The following TMEM150A variants were observed in gnomAD, a reference collection of about 807,000 sequenced individuals.
TMEM150A encodes transmembrane protein 150A, also known as fasting-inducible integral membrane protein TM6P1.
TMEM150A carries 18 observed loss-of-function variants against 29.8 expected under a neutral mutation model. That is an observed-to-expected ratio of 0.60 (90% confidence interval 0.42 to 0.90). TMEM150A has a LOEUF of 0.90. TMEM150A is among the 40% of genes least tolerant of loss of function. The pLI, the probability that TMEM150A is intolerant of heterozygous loss-of-function variation, is 0.00. For missense variants in TMEM150A, 251 were observed against 349.7 expected (o/e 0.72, Z 2.25); for synonymous variants, 127 against 143.6 (o/e 0.88, Z 0.83).
chr2:85,600,109 G>A, intron 5 of TMEM150A, 91 bp from the exon 6 acceptor site: 1 of 1,542,634 alleles, frequency 6.5e-7, no homozygotes, highest in Admixed American at 1.9e-5. Flanking sequence ...TGGTGCTCCT[G>A]CCCCTTCTGA....
chr2:85,600,976 G>A (rs1672905023), intron 4 of TMEM150A, 45 bp downstream of exon 4: 1 of 1,576,462 alleles, frequency 6.3e-7, no homozygotes, highest in Non-Finnish European at 8.7e-7. Context: ...GGGCTGTCTG[G>A]GAGGCCCTTA....
At position 85,601,014 on chromosome 2, in the gene TMEM150A, G is replaced by T. The variant is rs1252822678; in HGVS notation, c.200+7C>A. 17 of 1,612,392 alleles carry T rather than the reference G, an allele frequency of 1.1e-5. No individual in the cohort carries two copies. Among genetic ancestry groups the T allele is most frequent in the Non-Finnish European group, 1.4e-5 (16 of 1,179,372 alleles). On this transcript the variant is annotated splice_region_variant and intron_variant, in intron 4 of 7. Transcript: ENST00000334462. This position sits in a 1 kb window ranked among gnomAD's most constrained non-coding sequence, Gnocchi z 4.0. ...TCTCCCTGACCGGCCCAATGTCCAG[G>T]CCTTACCTGATGAGGGGGACATCGT... is the stretch of plus-strand genomic sequence containing the variant.
intron 5 of TMEM150A, 44 bp from the exon 6 acceptor site, chr2:85,600,062 C>A: frequency 6.2e-7 from 1 of 1,603,968 alleles, no homozygotes. Flanking sequence ...CAGCCCTGGC[C>A]CTGCCCAGCG....
chr2:85,599,479 T>C lies in TMEM150A; in HGVS notation c.574+46A>G. 1 of 1,579,262 alleles carries C rather than the reference T, an allele frequency of 6.3e-7. No individual in the cohort carries two copies. The highest frequency in any genetic ancestry group is 1.2e-5 in the South Asian group (1 of 85,474). ...CCCATCCTCTTGGGAGGGAGAAAGG[T>C]TGAGCTAGAGGATGAGTTCCTGGCT... On this transcript the variant is annotated intron_variant, in intron 7 of 7. Coordinates refer to ENST00000334462, the MANE Select transcript of TMEM150A (RefSeq NM_001031738.3). This position sits in a 1 kb window ranked among gnomAD's most constrained non-coding sequence, Gnocchi z 6.0.
Position 85,599,084 on chromosome 2 carries a change from T to C in TMEM150A, c.808A>G (p.Met270Val), listed in dbSNP as rs1183448789. 6.2e-7 allele frequency: 1 copy of C among 1,613,262 alleles called. No homozygotes were observed. The change falls in exon 8 of 8, where the codon ATG becomes GTG. Residue 270 changes from methionine (M) to valine (V), a missense_variant. By Grantham distance (21) the Met-to-Val change is conservative. Transcript: ENST00000334462. The surrounding 1 kb of genome is among the most constrained non-coding windows in gnomAD (Gnocchi z 6.0). ...HLNCAPESIA[M>V]I ...GCCACCCTCCCCAGACCTTAGATCA[T>C]AGCGATGCTCTCGGGGGCACAGTTG...
Position 85,601,641 on chromosome 2 carries a change from C to G in TMEM150A, c.66-159G>C, listed in dbSNP as rs188614178. The G allele has an allele frequency of 1.8e-4, 153 of 858,250 alleles. 1 individual carries two copies. In the East Asian group the frequency reaches 3.8e-3, roughly 21 times the overall value. The allele number at this position is 858,250 out of a possible 1,614,324, so 53.2% of individuals were successfully genotyped here. ...CTAAGGCTTGATGCCACACCAGCAC[C>G]TGCAGCATGCCCCCAGCTACAGGCC... On this transcript the variant is annotated intron_variant, in intron 2 of 7. Transcript: ENST00000334462. This position sits in a 1 kb window ranked among gnomAD's most constrained non-coding sequence, Gnocchi z 4.0.
At chr2:85,600,544 T>C (rs1474175475) in intron 4 of TMEM150A, 132 bp from the exon 5 acceptor site, 2 of 681,370 alleles carry the variant, frequency 2.9e-6, no homozygotes, top group Non-Finnish European at 5.3e-6. Context: ...TATGTGAAGA[T>C]CCAGGGTCCC....
chr2:85,601,771 G>T lies in TMEM150A; in HGVS notation c.65+113C>A. The stretch of plus-strand genomic sequence containing the variant: ...GGCTGTGTGCCCAGGCACCAAGTCA[G>T]GCTTTTGAGACACCCAGAGTGACCC... On this transcript the variant is annotated intron_variant, in intron 2 of 7. Coordinates refer to ENST00000334462, the MANE Select transcript of TMEM150A (RefSeq NM_001031738.3). The surrounding 1 kb of genome is among the most constrained non-coding windows in gnomAD (Gnocchi z 4.0). 1 of 1,286,884 alleles carries T rather than the reference G, an allele frequency of 7.8e-7. No homozygotes were observed. Among genetic ancestry groups the T allele is most frequent in the Non-Finnish European group, 1.1e-6 (1 of 903,556 alleles). The allele number at this position is 1,286,884 out of a possible 1,614,324, so 79.7% of individuals were successfully genotyped here.
chr2:85,599,476 A>G lies in TMEM150A; in HGVS notation c.574+49T>C. 1 of 1,575,824 alleles carries G rather than the reference A, an allele frequency of 6.3e-7. No individual in the cohort carries two copies. The highest frequency in any genetic ancestry group is 8.6e-7 in the Non-Finnish European group (1 of 1,160,970). ...CCCCCCATCCTCTTGGGAGGGAGAA[A>G]GGTTGAGCTAGAGGATGAGTTCCTG... On this transcript the variant is annotated intron_variant, in intron 7 of 7. Coordinates refer to ENST00000334462, the MANE Select transcript of TMEM150A (RefSeq NM_001031738.3). The surrounding 1 kb of genome is among the most constrained non-coding windows in gnomAD (Gnocchi z 6.0).
Position 85,599,464 on chromosome 2 carries a change from T to A in TMEM150A, c.574+61A>T. The stretch of plus-strand genomic sequence containing the variant: ...GTTAGGCCTCCACCCCCCATCCTCT[T>A]GGGAGGGAGAAAGGTTGAGCTAGAG... On this transcript the variant is annotated intron_variant, in intron 7 of 7. Transcript: ENST00000334462. This position sits in a 1 kb window ranked among gnomAD's most constrained non-coding sequence, Gnocchi z 6.0. 2.5e-6 allele frequency: 4 copies of A among 1,570,490 alleles called. No individual in the cohort carries two copies. The highest frequency in any genetic ancestry group is 3.5e-6 in the Non-Finnish European group (4 of 1,158,068).
rs748151035 is a variant in TMEM150A, at chr2:85,599,129, T to G, written c.763A>C (p.Ser255Arg). The G allele has an allele frequency of 8.1e-6, 13 of 1,613,648 alleles. No individual in the cohort carries two copies. Among genetic ancestry groups the G allele is most frequent in the African/African-American group, 4.0e-5 (3 of 74,874 alleles). Residue 255 changes from serine (S) to arginine (R), a missense_variant, in exon 8 of 8, where the codon AGC (serine) becomes CGC (arginine). Ser to Arg is a moderately radical substitution (Grantham distance 110, BLOSUM62 -1). Transcript: ENST00000334462. The surrounding 1 kb of genome is among the most constrained non-coding windows in gnomAD (Gnocchi z 6.0). ...PGRACKSSGS[S>R]STSTHLNCAP... ...CAGTTGAGGTGGGTGGAGGTGCTGC[T>G]GCTCCCGGAGGACTTGCAGGCCCGG...
Position 85,599,252 on chromosome 2 carries a change from A to C in TMEM150A, c.640T>G (p.Cys214Gly). The change falls in exon 8 of 8, where the codon TGT becomes GGT. Residue 214 changes from cysteine (C) to glycine (G), a missense_variant. Physicochemically the swap from Cys to Gly is radical, Grantham distance 159. Transcript: ENST00000334462. This position sits in a 1 kb window ranked among gnomAD's most constrained non-coding sequence, Gnocchi z 6.0. Reference sequence around the variant, plus strand: ...TAGAAAATGAGGATATCGATGACACACACCCACTCACACAGGGCTGCCCCA... The same window carrying C: ...TAGAAAATGAGGATATCGATGACACCCACCCACTCACACAGGGCTGCCCCA... Reference protein sequence around the residue: ...QHGAALCEWVCVIDILIFYGT... With the variant: ...QHGAALCEWVGVIDILIFYGT... 1 of 1,614,102 alleles carries C rather than the reference A, an allele frequency of 6.2e-7. No individual in the cohort carries two copies.
chr2:85,601,440 C>T lies in TMEM150A; in HGVS notation c.108G>A (p.Glu36=). 6.2e-7 allele frequency: 1 copy of T among 1,613,644 alleles called. No homozygotes were observed. The highest frequency in any genetic ancestry group is 8.5e-7 in the Non-Finnish European group (1 of 1,179,950). The part of the protein sequence containing the change: ...AVMNHHVCPV[E]NWSYNESCPP... ...GTCTGCAGAGTCCTTCATACCAGTT[C>T]TCCACAGGGCATACATGGTGGTTCA... is the stretch of plus-strand genomic sequence containing the variant. Residue 36 remains glutamate, a synonymous_variant, in exon 3 of 8, where the codon GAG becomes GAA. Transcript: ENST00000334462. The surrounding 1 kb of genome is among the most constrained non-coding windows in gnomAD (Gnocchi z 4.0).
chr2:85,601,035 A>G lies in TMEM150A; in HGVS notation c.186T>C (p.Asp62=). The change falls in exon 4 of 8, where the codon GAT becomes GAC. Residue 62 remains aspartate (D), a synonymous_variant. Coordinates refer to ENST00000334462, the MANE Select transcript of TMEM150A (RefSeq NM_001031738.3). This position sits in a 1 kb window ranked among gnomAD's most constrained non-coding sequence, Gnocchi z 4.0. ...GGPKTCCTLD[D]VPLISKCGSY... ...CCAGGCCTTACCTGATGAGGGGGACATCGTCCAGGGTGCAGCAGGTCTTGG... is the reference window on the plus strand; with the variant it reads ...CCAGGCCTTACCTGATGAGGGGGACGTCGTCCAGGGTGCAGCAGGTCTTGG... 6.2e-7 allele frequency: 1 copy of G among 1,612,692 alleles called. No individual in the cohort carries two copies. The highest frequency in any genetic ancestry group is 1.1e-5 in the South Asian group (1 of 90,974).
intron 5 of TMEM150A, 143 bp downstream of exon 5, chr2:85,600,201 CT>C: frequency 1.6e-6 from 2 of 1,275,874 alleles, no homozygotes; most frequent in Non-Finnish European, 2.2e-6. Context: ...TGGGAGTCAG[CT>C]TTTGGCCTTC....
In TMEM150A at chr2:85,598,902, G is replaced by T; in HGVS notation, c.*174C>A. ...GCAGGTCATGCAGCTGTGGCAGCTG[G>T]CAGGGCCCACTCCTCCATGGCACAG... On this transcript the variant is annotated 3_prime_UTR_variant, in exon 8 of 8. Coordinates refer to ENST00000334462, the MANE Select transcript of TMEM150A (RefSeq NM_001031738.3). 1.1e-6 allele frequency: 1 copy of T among 938,654 alleles called. No individual in the cohort carries two copies. The highest frequency in any genetic ancestry group is 1.5e-6 in the Non-Finnish European group (1 of 646,912). The allele number at this position is 938,654 out of a possible 1,614,324, so 58.1% of individuals were successfully genotyped here. A position where few individuals can be genotyped will look rare whatever the true frequency, so the allele number is the denominator to read the frequency against.
At position 85,599,792 on chromosome 2, in the gene TMEM150A, C is replaced by A; in HGVS notation, c.397-90G>T. The A allele has an allele frequency of 6.2e-7, 1 of 1,600,768 alleles. No individual in the cohort carries two copies. The highest frequency in any genetic ancestry group is 8.5e-7 in the Non-Finnish European group (1 of 1,172,520). On this transcript the variant is annotated intron_variant, in intron 6 of 7. Coordinates refer to ENST00000334462, the MANE Select transcript of TMEM150A (RefSeq NM_001031738.3). The surrounding 1 kb of genome is among the most constrained non-coding windows in gnomAD (Gnocchi z 6.0). ...TGAATCTCCTCTCTCCCTCTTCCTT[C>A]CTCTCCCTCTTTCCAGCCCCAACCT...
At chr2:85,600,434 G>A (rs746721448) in intron 4 of TMEM150A, 22 bp from the exon 5 acceptor site, 7 of 1,611,726 alleles carry the variant, frequency 4.3e-6, no homozygotes, top group Middle Eastern at 1.7e-4. Context: ...GGGAAGGACA[G>A]AGTAAGAGGG....
At position 85,602,001 on chromosome 2, in the gene TMEM150A, T is replaced by TG. The variant is rs1672999068; in HGVS notation, c.-54dup. The TG allele has an allele frequency of 3.3e-6, 5 of 1,505,460 alleles. No individual in the cohort carries two copies. The Admixed American group carries it at 5.0e-5, about 15-fold the overall frequency. The allele number at this position is 1,505,460 out of a possible 1,614,324, so 93.3% of individuals were successfully genotyped here. The stretch of plus-strand genomic sequence containing the variant: ...TGTTGGGGGGAGGACAAGAGGTAGA[T>TG]GGGGAAGTGGGGGCGGACCAGCTAC... On this transcript the variant is annotated 5_prime_UTR_variant, in exon 2 of 8. Transcript: ENST00000334462. The surrounding 1 kb of genome is among the most constrained non-coding windows in gnomAD (Gnocchi z 5.6).
Sources: allele counts gnomAD v4.1 joint callset, GRCh38; gene constraint gnomAD v4.1.1; non-coding constraint Gnocchi (gnomAD v3.1); transcripts MANE v1.5; gene names NCBI Gene and HGNC (gene_info 2026-07-23, HGNC 2026-07-21).